Variants in PCLO observed in about 807,000 individuals in gnomAD.
PCLO encodes protein piccolo.
In PCLO, 82 loss-of-function variants were observed where a neutral mutation model predicts 427.5. That is an observed-to-expected ratio of 0.19 (90% confidence interval 0.16 to 0.23). The LOEUF (loss-of-function observed/expected upper bound fraction) is 0.23. PCLO is among the 10% of genes least tolerant of loss of function. The probability of loss-of-function intolerance (pLI) is 1.00; values close to 1 mark genes in which losing one functional copy is unlikely to be tolerated. For synonymous variants in PCLO, 2,357 were observed against 2,155.4 expected, an observed-to-expected ratio of 1.09 and a Z score of -2.59; for missense variants, 6,239 against 6,115.9, an observed-to-expected ratio of 1.02 and a Z score of -0.67.
chr7:82,840,364 A>G (rs1253691947), intron 14 of PCLO, among the ~76,000 whole-genome samples: 1 of 152,024 alleles, frequency 6.6e-6, no homozygotes, highest in African/African-American at 2.4e-5. Context: ...TTCCTGGATA[A>G]TCACTTAATT....
intron 3 of PCLO, among the ~76,000 whole-genome samples, chr7:82,967,796 T>C (rs554208393): frequency 6.6e-6 from 1 of 152,218 alleles, no homozygotes; most frequent in Non-Finnish European, 1.5e-5. Context: ...ATATCTATTC[T>C]AATGTTAAAA....
In PCLO at chr7:82,956,370, T is replaced by C. The variant is rs1302066193; in HGVS notation, c.4583A>G (p.Lys1528Arg). 1.2e-6 allele frequency: 2 copies of C among 1,613,478 alleles called. No individual in the cohort carries two copies. The highest frequency in any genetic ancestry group is 4.5e-5 in the East Asian group (2 of 44,864). Residue 1528 changes from lysine to arginine, a missense_variant, in exon 5 of 25, where the codon AAA becomes AGA. Transcript: ENST00000333891. Reference sequence around the variant, plus strand: ...TGATGAGCCAACACTAGTTCTTCGTTTTCTTTGTGGAACAGGTGAGTTTTC... The same window carrying C: ...TGATGAGCCAACACTAGTTCTTCGTCTTCTTTGTGGAACAGGTGAGTTTTC... ...ESENSPVPQR[K>R]RRTSVGSSSS...
chr7:83,096,096 C>G (rs1018184467), intron 3 of PCLO, among the ~76,000 whole-genome samples: 5 of 152,152 alleles, frequency 3.3e-5, no homozygotes, highest in African/African-American at 1.2e-4. Flanking sequence ...ACTCTATCCT[C>G]TGAGATTTTA....
At chr7:82,890,558 T>A (rs1793733737) in intron 9 of PCLO, among the ~76,000 whole-genome samples, 2 of 152,034 alleles carry the variant, frequency 1.3e-5, no homozygotes, top group South Asian at 4.1e-4. Context: ...CCACATTATT[T>A]AAAATAGATT....
At chr7:82,962,681 T>C (rs1795679890) in intron 4 of PCLO, among the ~76,000 whole-genome samples, 1 of 151,980 alleles carries the variant, frequency 6.6e-6, no homozygotes, top group Non-Finnish European at 1.5e-5. Context: ...AAAAAATGTA[T>C]ATTTTTTAAA....
intron 9 of PCLO, among the ~76,000 whole-genome samples, chr7:82,883,778 T>A (rs1042844490): frequency 6.6e-6 from 1 of 152,208 alleles, no homozygotes; most frequent in East Asian, 1.9e-4. Context: ...TTTTATTTTT[T>A]AATTTATTTT....
In PCLO at chr7:82,952,445, G is replaced by A. The variant is rs1562878488; in HGVS notation, c.8508C>T (p.Tyr2836=). 2 of 1,613,882 alleles carry A rather than the reference G, an allele frequency of 1.2e-6. No homozygotes were observed. The highest frequency in any genetic ancestry group is 4.5e-5 in the East Asian group (2 of 44,844). ...LTTSKHAEPP[Y]RIPSDQVFPI... Reference sequence around the variant, plus strand: ...GAAAGACCTGGTCACTTGGTATCCTGTATGGGGGCTCAGCATGCTTTGATG... The same window carrying A: ...GAAAGACCTGGTCACTTGGTATCCTATATGGGGGCTCAGCATGCTTTGATG... Residue 2836 remains tyrosine, a synonymous_variant, in exon 5 of 25, where the codon TAC becomes TAT. Transcript: ENST00000333891.
At chr7:82,989,138 C>G (rs1796320498) in intron 3 of PCLO, among the ~76,000 whole-genome samples, 1 of 152,100 alleles carries the variant, frequency 6.6e-6, no homozygotes, top group East Asian at 1.9e-4. Context: ...AGCAGAATTT[C>G]TAAACCACAT....
At chr7:83,063,809 T>C (rs898584017) in intron 3 of PCLO, among the ~76,000 whole-genome samples, 2 of 152,126 alleles carry the variant, frequency 1.3e-5, no homozygotes, top group Non-Finnish European at 2.9e-5. Context: ...CTTCAAGTTC[T>C]GTCCCTACCT....
rs185694780 is a variant in PCLO, at chr7:82,877,508, G to A, written c.13654+1829C>T. Among the ~76,000 whole-genome samples, 83 of 152,188 alleles carry A rather than the reference G, an allele frequency of 5.5e-4. 1 individual carries two copies. The highest frequency in any genetic ancestry group is 1.7e-3 in the African/African-American group (72 of 41,528). On this transcript the variant is annotated intron_variant, in intron 10 of 24. Transcript: ENST00000333891. ...GTAACACCAAAAATTATCATTGGGC[G>A]TGAAAGGGTTATAGTCATAGAAAAC... is the stretch of plus-strand genomic sequence containing the variant.
rs1372329541 is a variant in PCLO, at chr7:82,916,531, T to C, written c.11455A>G (p.Arg3819Gly). 4.3e-6 allele frequency: 7 copies of C among 1,613,630 alleles called. No homozygotes were observed. The highest frequency in any genetic ancestry group is 5.9e-6 in the Non-Finnish European group (7 of 1,179,770). Reference sequence around the variant, plus strand: ...ACTCCCTGGAGGTAGGCTCGTTCTCTCTTTTCTCTCTCCTTTAATAGGGCC... The same window carrying C: ...ACTCCCTGGAGGTAGGCTCGTTCTCCCTTTTCTCTCTCCTTTAATAGGGCC... ...KEALLKEREK[R>G]ERAYLQGVAE... Residue 3819 changes from arginine to glycine, a missense_variant, in exon 7 of 25, where the codon AGA becomes GGA. Physicochemically the swap from Arg to Gly is moderately radical, Grantham distance 125 (BLOSUM62 -2). Around this residue, in one of 5 missense-constraint regions of PCLO, gnomAD observed 680 missense variants for 677.3 expected, o/e 1.00. Transcript: ENST00000333891.
At chr7:83,006,540 A>G (rs778634311) in intron 3 of PCLO, among the ~76,000 whole-genome samples, 18 of 151,604 alleles carry the variant, frequency 1.2e-4, no homozygotes, top group Non-Finnish European at 2.4e-4. Context: ...CAGCAAAACA[A>G]TAATTATTCC....
chr7:82,983,368 A>T (rs1460017385), intron 3 of PCLO, among the ~76,000 whole-genome samples: 1 of 151,104 alleles, frequency 6.6e-6, no homozygotes, highest in Non-Finnish European at 1.5e-5. Flanking sequence ...TAAAAAATAT[A>T]TATGTTCCCT....
At chr7:82,795,055 C>G (rs1267247871) in intron 22 of PCLO, among the ~76,000 whole-genome samples, 1 of 152,066 alleles carries the variant, frequency 6.6e-6, no homozygotes, top group East Asian at 1.9e-4. Flanking sequence ...ACAAATCTTA[C>G]TTGGATTTCC....
Position 82,793,042 on chromosome 7 carries a change from C to CCTAT in PCLO, c.15007+8472_15007+8475dup, listed in dbSNP as rs200513423. Reference sequence around the variant, plus strand: ...TACAATTCGCTCAGCTTTCTGCGTACCTATCTCTAACTGTTCTCAACACTT... The same window carrying CCTAT: ...TACAATTCGCTCAGCTTTCTGCGTACCTATCTATCTCTAACTGTTCTCAACACTT... On this transcript the variant is annotated intron_variant, in intron 22 of 24. Coordinates refer to ENST00000333891, the MANE Select transcript of PCLO (RefSeq NM_033026.6). 2.9e-3 allele frequency among the ~76,000 whole-genome samples: 447 copies of CCTAT among 151,644 alleles called. 2 individuals carry two copies. The highest frequency in any genetic ancestry group is 0.011 in the African/African-American group (439 of 41,278).
intron 3 of PCLO, among the ~76,000 whole-genome samples, chr7:82,993,419 C>T (rs1429047368): frequency 6.6e-6 from 1 of 151,844 alleles, no homozygotes; most frequent in Non-Finnish European, 1.5e-5. Flanking sequence ...TAGAGTAAGG[C>T]TTTGGCATTT....
At chr7:82,945,016 CT>C (rs1795168453) in intron 6 of PCLO, among the ~76,000 whole-genome samples, 1 of 152,130 alleles carries the variant, frequency 6.6e-6, no homozygotes, top group Admixed American at 6.5e-5. Context: ...TCTTCCTGTG[CT>C]TTTGCTAAAT....
At chr7:83,048,842 T>TAA (rs371069632) in intron 3 of PCLO, among the ~76,000 whole-genome samples, 1 of 152,078 alleles carries the variant, frequency 6.6e-6, no homozygotes, top group South Asian at 2.1e-4. Flanking sequence ...AATTTCAGCT[T>TAA]AAAAAAACTA....
chr7:83,114,792 T>A (rs1398189657), intron 3 of PCLO, among the ~76,000 whole-genome samples: 1 of 152,104 alleles, frequency 6.6e-6, no homozygotes, highest in Non-Finnish European at 1.5e-5. Flanking sequence ...AGTAGCTTAG[T>A]GTCCTGATAA....
Sources: allele counts gnomAD v4.1 joint callset (sites outside exome capture counted in the v4.1 genomes callset), GRCh38; gene constraint gnomAD v4.1.1; regional missense constraint gnomAD v4.1.1; transcripts MANE v1.5; gene names NCBI Gene and HGNC (gene_info 2026-07-23, HGNC 2026-07-21).